Variants in UAP1 observed in about 807,000 individuals in gnomAD.
The protein encoded by UAP1 is UDP-N-acetylglucosamine pyrophosphorylase 1.
Under a neutral mutation model 58.5 loss-of-function variants are expected in UAP1, and 25 were observed. That is an observed-to-expected ratio of 0.43 (90% CI 0.31 to 0.60). UAP1 has a LOEUF of 0.60. UAP1 is among the 20% of genes least tolerant of loss of function. The pLI, the probability that UAP1 is intolerant of heterozygous loss-of-function variation, is 0.11. For synonymous variants in UAP1, 208 were observed against 213.0 expected, an observed-to-expected ratio of 0.98 and a Z score of 0.21; for missense variants, 575 against 630.0, an observed-to-expected ratio of 0.91 and a Z score of 0.93.
chr1:162,599,981 C>CT (rs1655837284), downstream of UAP1: 1 of 152,142 alleles, frequency 6.6e-6, no homozygotes, highest in African/African-American at 2.4e-5. Flanking sequence ...TAACTTTGGG[C>CT]TTTATCTTCT....
chr1:162,596,148 C>T (rs576327334), intron 9 of UAP1, among the ~76,000 whole-genome samples: 52 of 151,924 alleles, frequency 3.4e-4, no homozygotes, highest in African/African-American at 1.2e-3. Flanking sequence ...CCACCACACC[C>T]GGCCACATTA....
At chr1:162,589,173 ATATT>A (rs1350864563) in intron 7 of UAP1, among the ~76,000 whole-genome samples, 19 of 97,522 alleles carry the variant, frequency 1.9e-4, no homozygotes, top group African/African-American at 7.8e-4. Flanking sequence ...TAATATATAA[ATATT>A]ATATATAATA....
At chr1:162,594,813 T>C (rs1655523401) in intron 9 of UAP1, among the ~76,000 whole-genome samples, 1 of 152,172 alleles carries the variant, frequency 6.6e-6, no homozygotes, top group African/African-American at 2.4e-5. Context: ...TTTACTTCAT[T>C]TTAGCCATTT....
rs1370656271 is a variant in UAP1, at chr1:162,592,779, A to T, written c.1406A>T (p.His469Leu). The T allele has an allele frequency of 1.9e-6, 3 of 1,549,886 alleles. No homozygotes were observed. The African/African-American group carries it at 4.1e-5, about 21-fold the overall frequency. The change falls in exon 9 of 11, where the codon CAC (histidine) becomes CTC (leucine). Residue 469 changes from histidine (H) to leucine (L), a missense_variant. Coordinates refer to ENST00000271469, the Ensembl canonical transcript of UAP1. ...GAGACCATCACAGCTGATGTCAATC[A>T]CAAGTAAATATACCAGCCTGCCTAC...
chr1:162,563,951 G>C (rs1244264585), intron 1 of UAP1, among the ~76,000 whole-genome samples: 1 of 152,118 alleles, frequency 6.6e-6, no homozygotes, highest in Non-Finnish European at 1.5e-5. Flanking sequence ...CTATTCTTTG[G>C]TTATCTGGTT....
At chr1:162,590,473 C>G in exon 8 of UAP1, 1 of 1,606,916 alleles carries the variant, frequency 6.2e-7, no homozygotes, top group African/African-American at 1.3e-5. Flanking sequence ...GGGGCCATTT[C>G]ATAGATGAAA....
At chr1:162,566,443 A>T in intron 2 of UAP1, 95 bp downstream of exon 2, 1 of 1,292,764 alleles carries the variant, frequency 7.7e-7, no homozygotes, top group Non-Finnish European at 1.1e-6. Context: ...TTTGATTCAT[A>T]CTACATTAAA....
chr1:162,566,183 G>A (rs11553690), exon 2 of UAP1: 23 of 1,614,012 alleles, frequency 1.4e-5, no homozygotes, highest in Non-Finnish European at 1.9e-5. Flanking sequence ...AGAGCTCCAG[G>A]CCATGAACTT....
intron 2 of UAP1, among the ~76,000 whole-genome samples, chr1:162,571,826 C>T (rs190818967): frequency 6.4e-4 from 98 of 152,300 alleles, no homozygotes; most frequent in Non-Finnish European, 6.0e-4. Flanking sequence ...ATCGTAGTAA[C>T]AGCTGAAGTA....
At chr1:162,576,911 C>A in exon 3 of UAP1, 1 of 1,614,148 alleles carries the variant, frequency 6.2e-7, no homozygotes, top group Admixed American at 1.7e-5. Flanking sequence ...TTTTCAGATT[C>A]AAGCAGAGCG....
At chr1:162,592,101 A>G (rs1655351461) in intron 8 of UAP1, among the ~76,000 whole-genome samples, 1 of 152,184 alleles carries the variant, frequency 6.6e-6, no homozygotes, top group African/African-American at 2.4e-5. Context: ...TGCCTCAATA[A>G]ATGGTAAAAT....
intron 3 of UAP1, among the ~76,000 whole-genome samples, chr1:162,578,085 T>C (rs1311586309): frequency 6.6e-6 from 1 of 152,160 alleles, no homozygotes; most frequent in African/African-American, 2.4e-5. Flanking sequence ...CTGCTTTTTA[T>C]AAGTTTTTGG....
chr1:162,592,954 A>T, intron 9 of UAP1, 172 bp downstream of exon 9: 1 of 580,468 alleles, frequency 1.7e-6, no homozygotes, highest in Non-Finnish European at 3.1e-6. Context: ...GGATGACACT[A>T]ACTCAGAATC....
chr1:162,595,758 G>A (rs1655584215), intron 9 of UAP1, among the ~76,000 whole-genome samples: 1 of 152,196 alleles, frequency 6.6e-6, no homozygotes, highest in Admixed American at 6.5e-5. Context: ...TTTTCAGGCA[G>A]TATGTGATTA....
At chr1:162,597,126 A>G (rs1211609358) in intron 9 of UAP1, 1 of 152,222 alleles carries the variant, frequency 6.6e-6, no homozygotes, top group Non-Finnish European at 1.5e-5. Flanking sequence ...AAAAACATGT[A>G]CTGGGAAATA....
intron 9 of UAP1, chr1:162,593,184 C>CATA (rs1457362913): frequency 1.1e-5 from 2 of 180,078 alleles, no homozygotes; most frequent in African/African-American, 4.7e-5. Flanking sequence ...AGTATACAGG[C>CATA]TGATTGTTCC....
At chr1:162,569,871 C>T (rs184003356) in intron 2 of UAP1, among the ~76,000 whole-genome samples, 1,769 of 152,180 alleles carry the variant, frequency 0.012, 18 homozygotes, top group Middle Eastern at 0.034. Flanking sequence ...GTAATACAGC[C>T]GGGCATGGTG....
intron 3 of UAP1, among the ~76,000 whole-genome samples, chr1:162,577,289 C>T (rs1238197720): frequency 6.6e-6 from 1 of 151,922 alleles, no homozygotes; most frequent in Non-Finnish European, 1.5e-5. Flanking sequence ...AGCTCTCCCA[C>T]ACCCATGCGC....
At chr1:162,587,486 A>G in exon 6 of UAP1, 2 of 1,607,872 alleles carry the variant, frequency 1.2e-6, no homozygotes, top group East Asian at 2.2e-5. Context: ...TGGTAGAGAA[A>G]ACGAACCCTA....
Sources: allele counts gnomAD v4.1 joint callset (sites outside exome capture counted in the v4.1 genomes callset), GRCh38; gene constraint gnomAD v4.1.1; transcripts MANE v1.5; gene names NCBI Gene and HGNC (gene_info 2026-07-23, HGNC 2026-07-21).